Variants in FBXO10 observed in about 807,000 individuals in gnomAD.
FBXO10 encodes F-box only protein 10.
A neutral mutation model predicts 80.7 loss-of-function variants in FBXO10; 39 were observed. The observed-to-expected ratio is 0.48, with a 90% CI of 0.37 to 0.63. The LOEUF is 0.63. Ranked by LOEUF, FBXO10 falls within the 30% of genes least tolerant of loss-of-function variation. The pLI, the probability that FBXO10 is intolerant of heterozygous loss-of-function variation, is 0.00. For synonymous variants in FBXO10, 449 were observed against 489.6 expected (o/e 0.92, Z 1.09); for missense variants, 1,025 against 1,269.0 (o/e 0.81, Z 2.92).
intron 1 of FBXO10, among the ~76,000 whole-genome samples, chr9:37,572,383 T>C (rs1041461582): frequency 3.3e-5 from 5 of 152,072 alleles, no homozygotes; most frequent in Admixed American, 2.0e-4. Context: ...TCAGAAAATA[T>C]CTAAGGATGT....
rs1387921407 is a variant in FBXO10 at position 37,543,619 on chromosome 9, A to G, written c.-6-1845T>C. ...CAGTTTCTCTATAGCACTGCAGGTC[A>G]TAGCTCTAGTCTATTCTCAAAGCTC... On this transcript the variant is annotated intron_variant, in intron 1 of 10. Coordinates refer to ENST00000432825, the MANE Select transcript of FBXO10 (RefSeq NM_012166.3). Among the ~76,000 whole-genome samples the G allele has an allele frequency of 3.3e-5, 5 of 152,246 alleles. 1 individual carries two copies. Among genetic ancestry groups the G allele is most frequent in the Non-Finnish European group, 7.3e-5 (5 of 68,052 alleles).
At chr9:37,535,683 G>A (rs1211993239) in intron 3 of FBXO10, among the ~76,000 whole-genome samples, 1 of 152,102 alleles carries the variant, frequency 6.6e-6, no homozygotes, top group East Asian at 1.9e-4. Context: ...GGAGCCTCAA[G>A]CAACCAGGCT....
intron 1 of FBXO10, among the ~76,000 whole-genome samples, chr9:37,570,081 A>T (rs2119200237): frequency 6.6e-6 from 1 of 152,340 alleles, no homozygotes; most frequent in Admixed American, 6.5e-5. Context: ...AGGCCAAGGC[A>T]GGTGGAACAC....
At chr9:37,545,299 C>G (rs1214508400) in intron 1 of FBXO10, among the ~76,000 whole-genome samples, 2 of 150,838 alleles carry the variant, frequency 1.3e-5, no homozygotes, top group South Asian at 2.1e-4. Context: ...GCCTCAGCCT[C>G]CTGAGTAGCT....
At chr9:37,519,100 A>G (rs929898555) in intron 8 of FBXO10, among the ~76,000 whole-genome samples, 47 of 152,020 alleles carry the variant, frequency 3.1e-4, no homozygotes, top group East Asian at 1.4e-3. Flanking sequence ...TAGTAGAGAC[A>G]TGGTTTCACC....
intron 1 of FBXO10, among the ~76,000 whole-genome samples, chr9:37,573,959 C>G (rs571600265): frequency 6.6e-6 from 1 of 152,344 alleles, no homozygotes; most frequent in East Asian, 1.9e-4. Flanking sequence ...TAGGTTCATT[C>G]ATTAAGGCAA....
chr9:37,541,437 C>G lies in FBXO10; in HGVS notation c.332G>C (p.Ser111Thr), dbSNP rs1285762118. ...GTCAAACTCACGGCCTGGCCCAACA[C>G]TCAGGGTACGTCGTTCCCTCCTCCG... is the stretch of plus-strand genomic sequence containing the variant. ...FRRRRERRTL[S>T]VGPGREFDSL... The change falls in exon 2 of 11, where the codon AGT (serine) becomes ACT (threonine). Residue 111 changes from serine (S) to threonine (T), a missense_variant. Transcript: ENST00000432825. 3.1e-6 allele frequency: 5 copies of G among 1,613,930 alleles called. No homozygotes were observed. Among genetic ancestry groups the G allele is most frequent in the Non-Finnish European group, 4.2e-6 (5 of 1,179,904 alleles).
chr9:37,523,602 C>T (rs142996491), intron 6 of FBXO10, among the ~76,000 whole-genome samples: 159 of 152,108 alleles, frequency 1.0e-3, no homozygotes, highest in Non-Finnish European at 2.0e-3. Flanking sequence ...GTCCAAAAAA[C>T]CAACCAACCA....
intron 1 of FBXO10, among the ~76,000 whole-genome samples, chr9:37,560,656 T>C (rs1822455873): frequency 6.6e-6 from 1 of 150,674 alleles, no homozygotes; most frequent in Admixed American, 6.6e-5. Context: ...TTTTAATGCA[T>C]TCAAGTTTTG....
intron 1 of FBXO10, among the ~76,000 whole-genome samples, chr9:37,573,376 G>T (rs910270710): frequency 7.9e-5 from 12 of 152,168 alleles, no homozygotes; most frequent in Non-Finnish European, 1.6e-4. Context: ...GGGGAGAATG[G>T]CTGAGCACGC....
Position 37,541,567 on chromosome 9 carries a change from G to C in FBXO10, c.202C>G (p.Pro68Ala). The change falls in exon 2 of 11, where the codon CCT (proline) becomes GCT (alanine). Residue 68 changes from proline to alanine, a missense_variant. Coordinates refer to ENST00000432825, the MANE Select transcript of FBXO10 (RefSeq NM_012166.3). ...TTGAAGGCTTCTCTCCAAGACTCAG[G>C]CTCCACATCTGGCTGGTTGGGCCAA... is the stretch of plus-strand genomic sequence containing the variant. ...PNWPNQPDVE[P>A]ESWREAFKQH... 1 of 1,613,722 alleles carries C rather than the reference G, an allele frequency of 6.2e-7. No individual in the cohort carries two copies. The highest frequency in any genetic ancestry group is 2.2e-5 in the East Asian group (1 of 44,870).
Position 37,524,960 on chromosome 9 carries a change from C to A in FBXO10, c.1777+142G>T, listed in dbSNP as rs76481333. Reference sequence around the variant, plus strand: ...AGAAGCACAGCCACCATGCAGCTGGCGTCCCTGAGCTCCAGCCCACCAGTC... The same window carrying A: ...AGAAGCACAGCCACCATGCAGCTGGAGTCCCTGAGCTCCAGCCCACCAGTC... On this transcript the variant is annotated intron_variant, in intron 6 of 10. Transcript: ENST00000432825. The A allele has an allele frequency of 3.8e-4, 262 of 680,540 alleles. No individual in the cohort carries two copies. The African/African-American group carries it at 4.3e-3, about 11-fold the overall frequency. 42.2% of individuals were successfully genotyped at this position (680,540 alleles called of 1,614,324 possible). A position where few individuals can be genotyped will look rare whatever the true frequency, so the allele number is the denominator to read the frequency against.
intron 5 of FBXO10, among the ~76,000 whole-genome samples, chr9:37,525,433 T>C (rs2119075398): frequency 6.6e-6 from 1 of 152,322 alleles, no homozygotes; most frequent in Non-Finnish European, 1.5e-5. Flanking sequence ...TAGAAATGTT[T>C]AGTTGTCACT....
intron 1 of FBXO10, among the ~76,000 whole-genome samples, chr9:37,565,995 A>G (rs970600399): frequency 2.0e-5 from 3 of 152,192 alleles, no homozygotes; most frequent in African/African-American, 7.2e-5. Flanking sequence ...GAGAAAGGCC[A>G]CCTGTATTAG....
chr9:37,556,137 T>C (rs1822328765), intron 1 of FBXO10, among the ~76,000 whole-genome samples: 1 of 152,210 alleles, frequency 6.6e-6, no homozygotes, highest in Admixed American at 6.5e-5. Flanking sequence ...AAACAAACAA[T>C]GGTAGTGTGG....
At chr9:37,555,581 A>G (rs1360968268) in intron 1 of FBXO10, among the ~76,000 whole-genome samples, 1 of 152,088 alleles carries the variant, frequency 6.6e-6, no homozygotes, top group African/African-American at 2.4e-5. Context: ...GGATTTCATC[A>G]TGTTGGCCAG....
intron 1 of FBXO10, among the ~76,000 whole-genome samples, chr9:37,556,494 C>CA: frequency 7.1e-6 from 1 of 140,766 alleles, no homozygotes; most frequent in South Asian, 2.4e-4. Flanking sequence ...GTACTTTTGT[C>CA]AAAAAATGAT....
At chr9:37,570,195 C>T (rs1822711923) in intron 1 of FBXO10, among the ~76,000 whole-genome samples, 1 of 152,098 alleles carries the variant, frequency 6.6e-6, no homozygotes, top group Admixed American at 6.6e-5. Context: ...CATGCAATCC[C>T]AGCTACTTGG....
intron 1 of FBXO10, among the ~76,000 whole-genome samples, chr9:37,569,260 C>CA (rs67975729): frequency 0.016 from 2,070 of 133,224 alleles, 50 homozygotes; most frequent in African/African-American, 0.049. Context: ...AAGTATAAGG[C>CA]AAAAAAAAAA....
Sources: allele counts gnomAD v4.1 joint callset (sites outside exome capture counted in the v4.1 genomes callset), GRCh38; gene constraint gnomAD v4.1.1; transcripts MANE v1.5; gene names NCBI Gene and HGNC (gene_info 2026-07-23, HGNC 2026-07-21).